The following VPS13C variants were observed in gnomAD, a reference collection of about 807,000 sequenced individuals.
VPS13C encodes the protein vacuolar protein sorting 13 homolog C, also known as intermembrane lipid transfer protein VPS13C.
VPS13C carries 358 observed loss-of-function variants against 456.8 expected under a neutral mutation model. That is an observed-to-expected ratio of 0.78 (90% CI 0.72 to 0.86). VPS13C has a LOEUF of 0.86. Ranked by LOEUF, VPS13C falls within the 40% of genes least tolerant of loss-of-function variation. VPS13C has a pLI of 0.00. For synonymous variants in VPS13C, 1,578 were observed against 1,486.7 expected, an observed-to-expected ratio of 1.06 and a Z score of -1.41; for missense variants, 4,818 against 4,385.4, an observed-to-expected ratio of 1.10 and a Z score of -2.79.
At chr15:61,941,643 C>T (rs1596360410) in intron 46 of VPS13C, 120 bp downstream of exon 46, 2 of 1,105,086 alleles carry the variant, frequency 1.8e-6, no homozygotes, top group East Asian at 2.6e-5. Context: ...GTCAAGGTTT[C>T]ATAATTAGAA....
rs1484553254 is a variant in VPS13C, at chr15:61,954,563, T to C, written c.4166-9A>G. The C allele has an allele frequency of 6.4e-7, 1 of 1,567,742 alleles. No homozygotes were observed. Among genetic ancestry groups the C allele is most frequent in the Non-Finnish European group, 8.6e-7 (1 of 1,164,052 alleles). The stretch of plus-strand genomic sequence containing the variant: ...GGGCTCTTTAATTTCACCTGAAATG[T>C]TTAAAAGAAATTCATTACTTTTATT... On this transcript the variant is annotated splice_polypyrimidine_tract_variant and intron_variant, in intron 37 of 84. Coordinates refer to ENST00000644861, the MANE Select transcript of VPS13C (RefSeq NM_020821.3).
At chr15:61,854,768 T>A (rs1335578580) in intron 84 of VPS13C, 103 bp downstream of exon 84, 1 of 1,147,734 alleles carries the variant, frequency 8.7e-7, no homozygotes. Context: ...TCCATAGTTA[T>A]ATTTGGGAGA....
At chr15:61,872,057 A>G in intron 78 of VPS13C, 23 bp from the exon 79 acceptor site, 1 of 1,607,736 alleles carries the variant, frequency 6.2e-7, no homozygotes, top group Non-Finnish European at 8.5e-7. Context: ...TCAATCATAT[A>G]GTTTAGACTG....
intron 22 of VPS13C, among the ~76,000 whole-genome samples, chr15:61,979,774 A>G (rs954271989): frequency 2.0e-5 from 3 of 152,236 alleles, no homozygotes; most frequent in Admixed American, 2.0e-4. Context: ...TAATCAACAG[A>G]AGCCAAAACA....
chr15:62,056,442 G>A (rs150120503), intron 1 of VPS13C, among the ~76,000 whole-genome samples: 1 of 152,338 alleles, frequency 6.6e-6, no homozygotes, highest in African/African-American at 2.4e-5. Context: ...GACAGGGCCA[G>A]CAGAAGGGCT....
At chr15:62,057,818 C>T (rs1052351131) in intron 1 of VPS13C, among the ~76,000 whole-genome samples, 1 of 152,282 alleles carries the variant, frequency 6.6e-6, no homozygotes, top group African/African-American at 2.4e-5. Flanking sequence ...TCAAAATCTT[C>T]AAGCAGTATA....
chr15:61,970,992 A>T (rs533856820), intron 27 of VPS13C, among the ~76,000 whole-genome samples: 1 of 152,298 alleles, frequency 6.6e-6, no homozygotes, highest in East Asian at 1.9e-4. Flanking sequence ...CCATGCGGCA[A>T]GAACTTAACT....
At chr15:61,936,144 G>C (rs2044219581) in intron 48 of VPS13C, among the ~76,000 whole-genome samples, 1 of 152,112 alleles carries the variant, frequency 6.6e-6, no homozygotes, top group African/African-American at 2.4e-5. Flanking sequence ...TTAATGATCT[G>C]AAAAATTATC....
chr15:61,964,718 T>C lies in VPS13C; in HGVS notation c.3195A>G (p.Lys1065=). Reference sequence around the variant, plus strand: ...TCATACCTTTTGGCAGAGTTGAATTTTTTTGTTGTTTTTCAGTTGAAATTT... The same window carrying C: ...TCATACCTTTTGGCAGAGTTGAATTCTTTTGTTGTTTTTCAGTTGAAATTT... ...EVQISTEKQQ[K]NSTLPKAIVS... Residue 1065 remains lysine (K), a synonymous_variant, in exon 31 of 85, where the codon AAA becomes AAG. Coordinates refer to ENST00000644861, the MANE Select transcript of VPS13C (RefSeq NM_020821.3). 6.2e-7 allele frequency: 1 copy of C among 1,602,764 alleles called. No individual in the cohort carries two copies. The highest frequency in any genetic ancestry group is 8.5e-7 in the Non-Finnish European group (1 of 1,176,458).
rs574439435 is a variant in VPS13C at position 62,044,253 on chromosome 15, T to A, written c.103A>T (p.Asn35Tyr). ...SQLKLGIWGG[N>Y]VALDNLQIKE... Reference sequence around the variant, plus strand: ...ATCTGTAGATTATCTAAAGCCACATTTCCTTTAAAAAAAGAAAACAAAGAA... The same window carrying A: ...ATCTGTAGATTATCTAAAGCCACATATCCTTTAAAAAAAGAAAACAAAGAA... Residue 35 changes from asparagine (N) to tyrosine (Y), a missense_variant and splice_region_variant, in exon 2 of 85, where the codon AAT (asparagine) becomes TAT (tyrosine). Asn to Tyr is a moderately radical substitution (Grantham distance 143). This residue lies in a region of VPS13C where 4,552 missense variants were observed against 4,130.6 expected (regional missense o/e 1.10). Transcript: ENST00000644861. 177 of 1,472,790 alleles carry A rather than the reference T, an allele frequency of 1.2e-4. No individual in the cohort carries two copies. In the South Asian group the frequency reaches 2.0e-3, roughly 17 times the overall value. The allele number at this position is 1,472,790 out of a possible 1,614,324, so 91.2% of individuals were successfully genotyped here. A position where few individuals can be genotyped will look rare whatever the true frequency, so the allele number is the denominator to read the frequency against.
chr15:61,881,041 C>G (rs1254012131), intron 71 of VPS13C, 87 bp from the exon 72 acceptor site: 1 of 1,077,890 alleles, frequency 9.3e-7, no homozygotes, highest in East Asian at 2.6e-5. Context: ...TGAAAAGCCA[C>G]AGTTATATCT....
rs568811759 is a variant in VPS13C, at chr15:62,041,221, AT to A, written c.187+102del. The A allele has an allele frequency of 1.2e-3, 1,537 of 1,236,468 alleles. 1 individual carries two copies. Among genetic ancestry groups the A allele is most frequent in the Middle Eastern group, 5.2e-3 (24 of 4,638 alleles). 76.6% of individuals were successfully genotyped at this position (1,236,468 alleles called of 1,614,324 possible). A position where few individuals can be genotyped will look rare whatever the true frequency, so the allele number is the denominator to read the frequency against. ...GCTCTAATTAATGAGGCAAAAAAAA[AT>A]CTCTCACACTTTTAATCAAAGATTT... On this transcript the variant is annotated intron_variant, in intron 3 of 84. Transcript: ENST00000644861.
At chr15:62,054,203 T>C (rs2048715599) in intron 1 of VPS13C, among the ~76,000 whole-genome samples, 1 of 152,192 alleles carries the variant, frequency 6.6e-6, no homozygotes, top group Admixed American at 6.5e-5. Flanking sequence ...GCTGTGAAAT[T>C]TATCTATTGG....
chr15:62,020,435 T>C (rs1234432192), intron 9 of VPS13C, 44 bp downstream of exon 9: 4 of 1,543,106 alleles, frequency 2.6e-6, no homozygotes, highest in Non-Finnish European at 3.5e-6. Context: ...TTCAGAATAA[T>C]ACTTTACAGG....
chr15:62,019,234 A>C (rs1182956871), intron 9 of VPS13C, among the ~76,000 whole-genome samples: 1 of 152,120 alleles, frequency 6.6e-6, no homozygotes, highest in Non-Finnish European at 1.5e-5. Flanking sequence ...CTTTTCAAAA[A>C]ACCAGCTCCT....
chr15:61,958,035 T>C (rs1431487493), intron 37 of VPS13C, among the ~76,000 whole-genome samples: 2 of 152,092 alleles, frequency 1.3e-5, no homozygotes, highest in Non-Finnish European at 2.9e-5. Context: ...TACATTTATG[T>C]CTGTATACAA....
At chr15:61,998,019 C>G (rs1364837036) in intron 16 of VPS13C, among the ~76,000 whole-genome samples, 1 of 152,192 alleles carries the variant, frequency 6.6e-6, no homozygotes, top group Admixed American at 6.5e-5. Flanking sequence ...CTCCCACGAG[C>G]AGCCCTCCCA....
At chr15:61,882,921 A>G (rs1895978988) in intron 68 of VPS13C, among the ~76,000 whole-genome samples, 185 bp from the exon 69 acceptor site, 1 of 152,194 alleles carries the variant, frequency 6.6e-6, no homozygotes, top group Non-Finnish European at 1.5e-5. Context: ...ACCAGTTATT[A>G]GAAAAAAAAG....
rs115472982 is a variant in VPS13C, at chr15:61,922,423, C to A, written c.6949G>T (p.Ala2317Ser). ...GNIKNWTSLM[A>S]AVADVTLQVH... is the part of the protein sequence containing the mutation. Reference sequence around the variant, plus strand: ...TGTAGTGTCACGTCAGCAACAGCAGCCATTAGAGAAGTCCAATTTTTAATA... The same window carrying A: ...TGTAGTGTCACGTCAGCAACAGCAGACATTAGAGAAGTCCAATTTTTAATA... The change falls in exon 54 of 85, where the codon GCT becomes TCT. Residue 2317 changes from alanine (A) to serine (S), a missense_variant. Physicochemically the swap from Ala to Ser is moderately conservative, Grantham distance 99. Coordinates refer to ENST00000644861, the MANE Select transcript of VPS13C (RefSeq NM_020821.3). 37 of 1,613,580 alleles carry A rather than the reference C, an allele frequency of 2.3e-5. No individual in the cohort carries two copies. The East Asian group carries it at 7.8e-4, about 34-fold the overall frequency.
Sources: allele counts gnomAD v4.1 joint callset (sites outside exome capture counted in the v4.1 genomes callset), GRCh38; gene constraint gnomAD v4.1.1; regional missense constraint gnomAD v4.1.1; transcripts MANE v1.5; gene names NCBI Gene and HGNC (gene_info 2026-07-23, HGNC 2026-07-21).